The following BCAR3 variants were observed in gnomAD, a reference collection of about 807,000 sequenced individuals.
BCAR3 encodes BCAR3 adaptor protein, NSP family member.
In BCAR3, 37 loss-of-function variants were observed where a neutral mutation model predicts 80.1. The observed-to-expected ratio is 0.46, with a 90% confidence interval of 0.36 to 0.61. BCAR3 has a LOEUF of 0.61. BCAR3 is among the 20% of genes least tolerant of loss of function. BCAR3 has a pLI of 0.00. For synonymous variants in BCAR3, 389 were observed against 418.9 expected (o/e 0.93, Z 0.87); for missense variants, 978 against 1,068.2 (o/e 0.92, Z 1.18).
intron 3 of BCAR3, among the ~76,000 whole-genome samples, chr1:93,634,853 T>C (rs985717388): frequency 6.6e-6 from 1 of 152,200 alleles, no homozygotes. Flanking sequence ...TAAACCTTTT[T>C]CTTTTGTAAA....
At chr1:93,584,229 C>G in intron 5 of BCAR3, 108 bp from the exon 6 acceptor site, 1 of 952,544 alleles carries the variant, frequency 1.0e-6, no homozygotes, top group Non-Finnish European at 1.6e-6. Flanking sequence ...GAAAACTGCT[C>G]AGAACGAGAG....
chr1:93,597,232 C>G (rs1362852784), intron 3 of BCAR3, among the ~76,000 whole-genome samples: 2 of 152,292 alleles, frequency 1.3e-5, no homozygotes, highest in South Asian at 2.1e-4. Flanking sequence ...ATGTTTGTCC[C>G]AGTCATTAGC....
intron 2 of BCAR3, among the ~76,000 whole-genome samples, chr1:93,663,356 G>T (rs915586614): frequency 6.6e-6 from 1 of 152,152 alleles, no homozygotes; most frequent in Non-Finnish European, 1.5e-5. Context: ...CCTTCCCTGG[G>T]TCTGGCTCAG....
At chr1:93,739,276 G>A (rs1651098967) in intron 2 of BCAR3, among the ~76,000 whole-genome samples, 1 of 152,110 alleles carries the variant, frequency 6.6e-6, no homozygotes, top group Admixed American at 6.5e-5. Context: ...CCTGTGAGAT[G>A]GGAAATGCAG....
chr1:93,726,246 T>A (rs911149750), intron 2 of BCAR3, among the ~76,000 whole-genome samples: 2 of 152,074 alleles, frequency 1.3e-5, no homozygotes, highest in Non-Finnish European at 2.9e-5. Context: ...AATATATTTT[T>A]TTTTGAGAGA....
chr1:93,696,004 T>C (rs1649379747), intron 3 of BCAR3, among the ~76,000 whole-genome samples: 1 of 152,094 alleles, frequency 6.6e-6, no homozygotes, highest in Admixed American at 6.5e-5. Context: ...TTATCACACA[T>C]ACTTCCACAG....
Position 93,674,902 on chromosome 1 carries a change from G to A in BCAR3, c.29C>T (p.Pro10Leu), listed in dbSNP as rs1435872626. The A allele has an allele frequency of 6.4e-7, 1 of 1,562,542 alleles. No homozygotes were observed. The change falls in exon 2 of 12, where the codon CCC (proline) becomes CTC (leucine). Residue 10 changes from proline (P) to leucine (L), a missense_variant. By Grantham distance (98) the Pro-to-Leu change is moderately conservative. Transcript: ENST00000260502. MAAGKFASLPRNMPVNHQFP... is the reference protein window; with the variant it reads MAAGKFASLLRNMPVNHQFP... Reference sequence around the variant, plus strand: ...CTGGTGATTCACCGGCATGTTTCTGGGAAGGCTTGCAAATTTTCCTGCAGC... The same window carrying A: ...CTGGTGATTCACCGGCATGTTTCTGAGAAGGCTTGCAAATTTTCCTGCAGC...
At chr1:93,727,794 C>T (rs561784641) in intron 2 of BCAR3, among the ~76,000 whole-genome samples, 4 of 152,198 alleles carry the variant, frequency 2.6e-5, no homozygotes, top group Admixed American at 6.5e-5. Context: ...GTGGCCCCCC[C>T]AAAAGACACA....
At chr1:93,679,248 A>G (rs1648636928) in intron 1 of BCAR3, among the ~76,000 whole-genome samples, 1 of 152,232 alleles carries the variant, frequency 6.6e-6, no homozygotes, top group African/African-American at 2.4e-5. Flanking sequence ...GTCCCCTCTA[A>G]GCAGGACAGG....
At chr1:93,826,487 C>G (rs1030252289) in intron 2 of BCAR3, among the ~76,000 whole-genome samples, 2 of 152,208 alleles carry the variant, frequency 1.3e-5, no homozygotes, top group African/African-American at 4.8e-5. Context: ...ATATATCCAT[C>G]TCTGTCTATT....
At chr1:93,659,340 A>G (rs777745530) in intron 2 of BCAR3, among the ~76,000 whole-genome samples, 68 of 152,010 alleles carry the variant, frequency 4.5e-4, no homozygotes, top group Middle Eastern at 3.2e-3. Context: ...GCATGCCACC[A>G]TGCCTGGCTA....
At chr1:93,627,525 A>C (rs562246273) in intron 3 of BCAR3, among the ~76,000 whole-genome samples, 2 of 152,248 alleles carry the variant, frequency 1.3e-5, no homozygotes, top group Admixed American at 6.5e-5. Flanking sequence ...ACAAAACAAC[A>C]GAGTGAACAC....
chr1:93,625,877 G>C (rs1351155690), intron 3 of BCAR3, among the ~76,000 whole-genome samples: 2 of 152,190 alleles, frequency 1.3e-5, no homozygotes, highest in Non-Finnish European at 2.9e-5. Context: ...AGGATCAGGA[G>C]AATGCGCACT....
chr1:93,704,957 T>C (rs1649783149), intron 3 of BCAR3, among the ~76,000 whole-genome samples: 1 of 152,234 alleles, frequency 6.6e-6, no homozygotes, highest in South Asian at 2.1e-4. Context: ...ACTCAATAGG[T>C]ACATGTCAGC....
chr1:93,678,653 A>G (rs966092093), intron 1 of BCAR3, among the ~76,000 whole-genome samples: 5 of 152,242 alleles, frequency 3.3e-5, no homozygotes, highest in Non-Finnish European at 7.3e-5. Flanking sequence ...TCCAAGTTGT[A>G]AGCACGCTAA....
chr1:93,688,754 C>G (rs752436730), intron 3 of BCAR3, among the ~76,000 whole-genome samples: 1 of 151,068 alleles, frequency 6.6e-6, no homozygotes, highest in African/African-American at 2.5e-5. Flanking sequence ...TGCCACCACA[C>G]CTGGCTAAGG....
intron 2 of BCAR3, among the ~76,000 whole-genome samples, chr1:93,659,765 T>C (rs1302952331): frequency 2.0e-5 from 3 of 152,084 alleles, no homozygotes; most frequent in African/African-American, 4.8e-5. Context: ...CCTGTATCAA[T>C]AGGCCTGGGG....
At chr1:93,817,591 C>G (rs1241191866) in intron 2 of BCAR3, among the ~76,000 whole-genome samples, 1 of 152,140 alleles carries the variant, frequency 6.6e-6, no homozygotes, top group Non-Finnish European at 1.5e-5. Flanking sequence ...AAAGCCTGTG[C>G]CCTTAGCCAT....
chr1:93,569,126 T>TGTTAA (rs1181660737), intron 9 of BCAR3, among the ~76,000 whole-genome samples: 1 of 152,246 alleles, frequency 6.6e-6, no homozygotes, highest in Non-Finnish European at 1.5e-5. Flanking sequence ...GGCAAGGCTA[T>TGTTAA]GTTAAGTTTT....
Sources: allele counts gnomAD v4.1 joint callset (sites outside exome capture counted in the v4.1 genomes callset), GRCh38; gene constraint gnomAD v4.1.1; transcripts MANE v1.5; gene names NCBI Gene and HGNC (gene_info 2026-07-23, HGNC 2026-07-21).